The following PKD2 variants were observed in gnomAD, a reference collection of about 807,000 sequenced individuals.
PKD2 encodes polycystin 2, transient receptor potential cation channel.
PKD2 carries 48 observed loss-of-function variants against 105.9 expected under a neutral mutation model. The ratio of observed to expected loss-of-function variants is 0.45; its 90% CI spans 0.36 to 0.58. The LOEUF (loss-of-function observed/expected upper bound fraction) is 0.58. PKD2 is among the 20% of genes least tolerant of loss of function. PKD2 has a pLI of 0.00. For missense variants in PKD2, 1,078 were observed against 1,255.3 expected (o/e 0.86, Z 2.13); for synonymous variants, 464 against 481.1 (o/e 0.96, Z 0.46).
chr4:88,039,589 C>T (rs934073146), intron 4 of PKD2, among the ~76,000 whole-genome samples: 4 of 148,396 alleles, frequency 2.7e-5, no homozygotes, highest in Non-Finnish European at 5.9e-5. Context: ...TGCTTGAGCC[C>T]GAGTGGTGGG....
intron 4 of PKD2, among the ~76,000 whole-genome samples, chr4:88,040,147 C>T (rs1425419885): frequency 2.6e-5 from 4 of 152,164 alleles, no homozygotes; most frequent in Non-Finnish European, 5.9e-5. Flanking sequence ...CTGAGGCTCA[C>T]TTGCCCAAAG....
chr4:88,015,572 C>T (rs1726531978), intron 1 of PKD2, among the ~76,000 whole-genome samples: 1 of 152,080 alleles, frequency 6.6e-6, no homozygotes, highest in Non-Finnish European at 1.5e-5. Flanking sequence ...GAGTAGCTCA[C>T]CACCACACCC....
intron 7 of PKD2, among the ~76,000 whole-genome samples, chr4:88,053,382 C>T (rs921207455): frequency 6.6e-6 from 1 of 152,134 alleles, no homozygotes; most frequent in Admixed American, 6.6e-5. Context: ...AGACTTGGAC[C>T]AGGCGCAGTG....
intron 10 of PKD2, 123 bp downstream of exon 10, chr4:88,062,127 T>C: frequency 1.5e-6 from 1 of 649,608 alleles, no homozygotes; most frequent in Non-Finnish European, 2.9e-6. Flanking sequence ...TACATTGCTA[T>C]ATTTCAGGAA....
Position 88,075,622 on chromosome 4 carries a change from C to T in PKD2, c.2835C>T (p.Arg945=), listed in dbSNP as rs997991414. Residue 945 remains arginine, a synonymous_variant, in exon 15 of 15, where the codon CGC becomes CGT. Transcript: ENST00000237596. ...LNGQPRPRSS[R]PSSSQSTEGM... ...GTCAACCTCGCCCCAGAAGCTCCCG[C>T]CCATCTTCCTCCCAATCTACAGAAG... 1 of 1,613,998 alleles carries T rather than the reference C, an allele frequency of 6.2e-7. No individual in the cohort carries two copies. The highest frequency in any genetic ancestry group is 1.3e-5 in the African/African-American group (1 of 74,906).
chr4:88,019,488 G>A lies in PKD2; in HGVS notation c.626G>A (p.Ser209Asn). The change falls in exon 2 of 15, where the codon AGC (serine) becomes AAC (asparagine). Residue 209 changes from serine (S) to asparagine (N), a missense_variant. Transcript: ENST00000237596. ...GLWGTRLMEE[S>N]STNREKYLKS... ...TGGGGAACAAGACTCATGGAGGAAA[G>A]CAGCACTAACCGAGAGAAATACCTT... 1 of 1,599,894 alleles carries A rather than the reference G, an allele frequency of 6.3e-7. No homozygotes were observed. Among genetic ancestry groups the A allele is most frequent in the Non-Finnish European group, 8.6e-7 (1 of 1,167,118 alleles).
chr4:88,019,952 A>G (rs1337362902), intron 2 of PKD2, among the ~76,000 whole-genome samples: 5 of 152,206 alleles, frequency 3.3e-5, no homozygotes, highest in African/African-American at 1.2e-4. Flanking sequence ...TTCAATTCCA[A>G]TTTAGAATTT....
intron 1 of PKD2, among the ~76,000 whole-genome samples, chr4:88,012,521 GGA>G (rs1267137535): frequency 2.0e-5 from 3 of 152,032 alleles, no homozygotes; most frequent in African/African-American, 7.3e-5. Context: ...CTAGGGAGTG[GGA>G]GAGCCTGCCT....
chr4:88,065,908 G>A, intron 12 of PKD2, 29 bp downstream of exon 12: 1 of 1,258,200 alleles, frequency 7.9e-7, no homozygotes, highest in Non-Finnish European at 1.2e-6. Context: ...AACCGGATTT[G>A]ATTTGGTACC....
At chr4:88,059,678 G>A (rs752604712) in intron 9 of PKD2, among the ~76,000 whole-genome samples, 1 of 151,842 alleles carries the variant, frequency 6.6e-6, no homozygotes, top group African/African-American at 2.4e-5. Context: ...TTTTTTGTAC[G>A]ACTGCACAAA....
intron 4 of PKD2, among the ~76,000 whole-genome samples, chr4:88,041,676 A>C (rs1265148000): frequency 6.6e-6 from 1 of 152,198 alleles, no homozygotes; most frequent in Admixed American, 6.5e-5. Flanking sequence ...AGCATGTGCC[A>C]AAATTCCCGA....
At chr4:88,072,640 T>C (rs966096236) in intron 13 of PKD2, among the ~76,000 whole-genome samples, 1 of 152,182 alleles carries the variant, frequency 6.6e-6, no homozygotes, top group African/African-American at 2.4e-5. Context: ...TTGCTTCTTC[T>C]GGCATGGAAA....
At chr4:88,065,584 A>G in intron 11 of PKD2, 89 bp downstream of exon 11, 14 of 1,375,832 alleles carry the variant, frequency 1.0e-5, no homozygotes, top group Non-Finnish European at 1.3e-5. Flanking sequence ...CCAAGGGCTC[A>G]TACAGATACT....
At chr4:88,064,635 G>A (rs1720717650) in intron 10 of PKD2, among the ~76,000 whole-genome samples, 1 of 151,934 alleles carries the variant, frequency 6.6e-6, no homozygotes, top group African/African-American at 2.4e-5. Context: ...GCTCACCCCT[G>A]TAATCCTAGC....
intron 7 of PKD2, among the ~76,000 whole-genome samples, chr4:88,054,706 G>C (rs1459817441): frequency 7.0e-6 from 1 of 142,498 alleles, no homozygotes; most frequent in African/African-American, 2.6e-5. Flanking sequence ...CCAGGCTGGA[G>C]TGCAGTGGCA....
intron 2 of PKD2, among the ~76,000 whole-genome samples, chr4:88,026,464 T>TA: frequency 6.6e-6 from 1 of 152,308 alleles, no homozygotes; most frequent in South Asian, 2.1e-4. Flanking sequence ...AGCATACAGT[T>TA]ATATGTGCTC....
rs1727423253 is a variant in PKD2, at chr4:88,038,418, G to A, written c.1011G>A (p.Leu337=). Residue 337 remains leucine (L), a synonymous_variant, in exon 4 of 15, where the codon TTG becomes TTA. Transcript: ENST00000237596. The stretch of plus-strand genomic sequence containing the variant: ...GATCCTGCTCTATCCCCCAGGACTT[G>A]AGAGATGAAATTAAAGAGTGCTATG... ...RNGSCSIPQD[L]RDEIKECYDV... 6.2e-7 allele frequency: 1 copy of A among 1,613,630 alleles called. No individual in the cohort carries two copies. Among genetic ancestry groups the A allele is most frequent in the African/African-American group, 1.3e-5 (1 of 75,036 alleles).
intron 6 of PKD2, among the ~76,000 whole-genome samples, chr4:88,047,478 T>G (rs1727820841): frequency 6.6e-6 from 1 of 152,122 alleles, no homozygotes; most frequent in Admixed American, 6.5e-5. Context: ...GGAGGATCAT[T>G]TGAGCCCAGG....
chr4:88,025,095 G>A (rs1280841052), intron 2 of PKD2, among the ~76,000 whole-genome samples: 5 of 151,558 alleles, frequency 3.3e-5, no homozygotes, highest in South Asian at 2.1e-4. Flanking sequence ...AGCCAAGTTC[G>A]CACCACTGCA....
Sources: allele counts gnomAD v4.1 joint callset (sites outside exome capture counted in the v4.1 genomes callset), GRCh38; gene constraint gnomAD v4.1.1; transcripts MANE v1.5; gene names NCBI Gene and HGNC (gene_info 2026-07-23, HGNC 2026-07-21).